Variants in STK3 observed in about 807,000 individuals in gnomAD.
STK3 encodes serine/threonine-protein kinase 3.
STK3 carries 41 observed loss-of-function variants against 58.0 expected under a neutral mutation model. The observed-to-expected ratio is 0.71, with a 90% confidence interval of 0.55 to 0.92. STK3 has a LOEUF of 0.92. Ranked by LOEUF, STK3 falls within the 40% of genes least tolerant of loss-of-function variation. The probability of loss-of-function intolerance (pLI) is 0.00; values close to 1 mark genes in which losing one functional copy is unlikely to be tolerated. For synonymous variants in STK3, 170 were observed against 191.0 expected, an observed-to-expected ratio of 0.89 and a Z score of 0.91; for missense variants, 479 against 602.7, an observed-to-expected ratio of 0.79 and a Z score of 2.15.
chr8:98,375,862 C>T (rs1316809581), intron 2 of STK3, among the ~76,000 whole-genome samples: 2 of 152,048 alleles, frequency 1.3e-5, no homozygotes, highest in South Asian at 2.1e-4. Flanking sequence ...AATAAAGGTA[C>T]TTATTATATG....
chr8:98,351,337 T>C, the STK3 span, among the ~76,000 whole-genome samples: 3 of 152,204 alleles, frequency 2.0e-5, no homozygotes, highest in Admixed American at 6.5e-5. Context: ...GGAGACATAG[T>C]ACAACTATTT....
At chr8:98,832,311 T>G (rs1016596571) in intron 3 of STK3, among the ~76,000 whole-genome samples, 1 of 151,144 alleles carries the variant, frequency 6.6e-6, no homozygotes, top group Non-Finnish European at 1.5e-5. Flanking sequence ...GACACTCACA[T>G]GCACAATAAG....
chr8:98,654,822 A>G (rs1821337882), intron 6 of STK3, among the ~76,000 whole-genome samples: 2 of 152,254 alleles, frequency 1.3e-5, no homozygotes, highest in African/African-American at 2.4e-5. Context: ...CCACTGCTCA[A>G]TGAAATAAAA....
upstream of STK3, among the ~76,000 whole-genome samples, chr8:98,826,478 C>T (rs1002322979): frequency 6.6e-6 from 1 of 152,006 alleles, no homozygotes; most frequent in Non-Finnish European, 1.5e-5. Flanking sequence ...TGCACTGGGC[C>T]CTTGCAGCTG....
At chr8:98,570,992 T>A (rs1451121384) in intron 8 of STK3, among the ~76,000 whole-genome samples, 1 of 152,160 alleles carries the variant, frequency 6.6e-6, no homozygotes, top group African/African-American at 2.4e-5. Flanking sequence ...TTGGGCTAAT[T>A]CTCCTGCTGT....
chr8:98,785,965 C>G (rs532765299), intron 1 of STK3, among the ~76,000 whole-genome samples: 1 of 152,128 alleles, frequency 6.6e-6, no homozygotes, highest in South Asian at 2.1e-4. Flanking sequence ...ATGAAAAAAT[C>G]TGAATGTAGT....
intron 5 of STK3, among the ~76,000 whole-genome samples, chr8:98,706,927 C>T (rs897113640): frequency 2.0e-5 from 3 of 152,150 alleles, no homozygotes; most frequent in Non-Finnish European, 2.9e-5. Flanking sequence ...CCTTTTAGAA[C>T]ATTTAAGCAT....
At chr8:98,502,612 A>C (rs1193540195) in intron 10 of STK3, among the ~76,000 whole-genome samples, 1 of 152,206 alleles carries the variant, frequency 6.6e-6, no homozygotes, top group Non-Finnish European at 1.5e-5. Context: ...TTTTAGCATG[A>C]AGCGCTGTTG....
At chr8:98,573,345 A>C (rs553112965) in intron 8 of STK3, among the ~76,000 whole-genome samples, 1 of 152,170 alleles carries the variant, frequency 6.6e-6, no homozygotes, top group Non-Finnish European at 1.5e-5. Context: ...AAAATTTACA[A>C]TCATGGCAGA....
At position 98,428,196 on chromosome 8, in the gene STK3, C is replaced by G. The variant is rs567295212; in HGVS notation, n.483+5931G>C. Reference sequence around the variant, plus strand: ...CGTCCAGCGGGAGTTCTACTTCGACCGCAACCCTGAGCTCTTCCCCTACGT... The same window carrying G: ...CGTCCAGCGGGAGTTCTACTTCGACGGCAACCCTGAGCTCTTCCCCTACGT... On this transcript the variant is annotated intron_variant and non_coding_transcript_variant, in intron 3 of 3. Transcript: ENST00000517832. This position sits in a 1 kb window ranked among gnomAD's most constrained non-coding sequence, Gnocchi z 6.7. The G allele has an allele frequency of 6.2e-7, 1 of 1,614,006 alleles. No individual in the cohort carries two copies. The highest frequency in any genetic ancestry group is 8.5e-7 in the Non-Finnish European group (1 of 1,180,034).
chr8:98,580,419 A>G (rs1344577844), intron 7 of STK3, among the ~76,000 whole-genome samples: 1 of 152,242 alleles, frequency 6.6e-6, no homozygotes, highest in Non-Finnish European at 1.5e-5. Flanking sequence ...AAGAGAAGGA[A>G]AACTATCAGA....
chr8:98,398,260 G>T (rs1817912526), downstream of STK3, among the ~76,000 whole-genome samples: 1 of 152,156 alleles, frequency 6.6e-6, no homozygotes, highest in African/African-American at 2.4e-5. Context: ...AGGAAAGAGT[G>T]ACCCTCCCAT....
At chr8:98,837,363 C>CAAA (rs533620773) in intron 3 of STK3, among the ~76,000 whole-genome samples, 3 of 63,248 alleles carry the variant, frequency 4.7e-5, no homozygotes, top group Non-Finnish European at 6.5e-5. Context: ...TGGAGCTCAG[C>CAAA]AAAAAAAAAA....
intron 6 of STK3, among the ~76,000 whole-genome samples, chr8:98,612,524 C>G (rs1817285835): frequency 6.6e-6 from 1 of 150,624 alleles, no homozygotes; most frequent in Non-Finnish European, 1.5e-5. Context: ...GGCAGAACAG[C>G]TAGGGATCTT....
chr8:98,682,642 A>C (rs1587281839), intron 6 of STK3, among the ~76,000 whole-genome samples: 1 of 152,132 alleles, frequency 6.6e-6, no homozygotes, highest in African/African-American at 2.4e-5. Flanking sequence ...TCTGTAATTA[A>C]TATAGTCTTC....
chr8:98,588,917 C>T (rs1481073899), intron 7 of STK3, among the ~76,000 whole-genome samples: 334 of 148,314 alleles, frequency 2.3e-3, no homozygotes, highest in Non-Finnish European at 2.0e-3. Context: ...GCATTCTTCA[C>T]GTAGTTCTCG....
intron 6 of STK3, chr8:98,603,267 C>T (rs1337777042): frequency 2.6e-5 from 4 of 151,574 alleles, no homozygotes; most frequent in Admixed American, 2.6e-4. Context: ...TGGAGTCTCG[C>T]TGTCACCCAT....
intron 1 of STK3, among the ~76,000 whole-genome samples, chr8:98,822,786 T>C (rs1368921609): frequency 6.6e-6 from 1 of 152,192 alleles, no homozygotes; most frequent in Non-Finnish European, 1.5e-5. Flanking sequence ...CCCAGCACTT[T>C]AGGTGGCCGA....
At chr8:98,344,206 T>C in the STK3 span, among the ~76,000 whole-genome samples, 1 of 152,330 alleles carries the variant, frequency 6.6e-6, no homozygotes, top group South Asian at 2.1e-4. Flanking sequence ...CATAATTGTT[T>C]TGCAAACTAT....
Sources: allele counts gnomAD v4.1 joint callset (sites outside exome capture counted in the v4.1 genomes callset), GRCh38; gene constraint gnomAD v4.1.1; non-coding constraint Gnocchi (gnomAD v3.1); transcripts MANE v1.5; gene names NCBI Gene and HGNC (gene_info 2026-07-23, HGNC 2026-07-21).